PTPRD: variants seen among roughly 807,000 people sequenced by gnomAD.
The protein encoded by PTPRD is receptor-type tyrosine-protein phosphatase delta.
Under a neutral mutation model 214.5 loss-of-function variants are expected in PTPRD, and 34 were observed. That is an observed-to-expected ratio of 0.16 (90% CI 0.12 to 0.21). The LOEUF (loss-of-function observed/expected upper bound fraction) is 0.21. Among genes scored for constraint, PTPRD ranks in the 10% least tolerant of loss-of-function variants. The pLI is 1.00. For synonymous variants in PTPRD, 1,128 were observed against 845.7 expected, an observed-to-expected ratio of 1.33 and a Z score of -5.79; for missense variants, 2,545 against 2,398.7, an observed-to-expected ratio of 1.06 and a Z score of -1.27.
intron 9 of PTPRD, among the ~76,000 whole-genome samples, chr9:9,192,823 TAA>T (rs996413658): frequency 4.6e-5 from 7 of 152,042 alleles, no homozygotes. Context: ...CAACTGTTAA[TAA>T]ATATCAGAGA....
intron 8 of PTPRD, among the ~76,000 whole-genome samples, chr9:9,509,850 T>A (rs76977714): frequency 0.012 from 1,871 of 151,778 alleles, 38 homozygotes; most frequent in African/African-American, 0.043. Flanking sequence ...ACAATTACTT[T>A]CCAGATCATT....
chr9:9,537,849 A>G (rs1003209631), intron 8 of PTPRD, among the ~76,000 whole-genome samples: 3 of 151,970 alleles, frequency 2.0e-5, no homozygotes, highest in Non-Finnish European at 2.9e-5. Flanking sequence ...TCTCAGGGCC[A>G]AATTCATTTA....
chr9:9,364,140 G>C (rs945116285), intron 9 of PTPRD, among the ~76,000 whole-genome samples: 1 of 151,350 alleles, frequency 6.6e-6, no homozygotes, highest in Non-Finnish European at 1.5e-5. Context: ...CATGAAATTA[G>C]CTTTGGGAAT....
Position 8,622,274 on chromosome 9 carries a change from T to C in PTPRD, c.352+11043A>G, listed in dbSNP as rs550122377. On this transcript the variant is annotated intron_variant, in intron 14 of 45. Transcript: ENST00000381196. ...ATCCCAAATCTTCCTACAAATGAAA[T>C]ACAATTTTTCTCTCAGAACATTTTT... 1.4e-3 allele frequency among the ~76,000 whole-genome samples: 211 copies of C among 152,008 alleles called. 1 individual carries two copies. The highest frequency in any genetic ancestry group is 4.9e-3 in the African/African-American group (205 of 41,516).
At chr9:9,533,100 T>C (rs2075835646) in intron 8 of PTPRD, among the ~76,000 whole-genome samples, 1 of 152,144 alleles carries the variant, frequency 6.6e-6, no homozygotes. Context: ...GCATTTTGCA[T>C]ATAGATAGCA....
In PTPRD at chr9:10,210,789, A is replaced by G. The variant is rs1372462472; in HGVS notation, c.-545+130174T>C. On this transcript the variant is annotated intron_variant, in intron 3 of 45. Transcript: ENST00000381196. ...ATAATGTTTATATATATAAAATCAA[A>G]AAACTTCATATATATATATATATAT... 4.1e-5 allele frequency among the ~76,000 whole-genome samples: 5 copies of G among 122,962 alleles called. No homozygotes were observed. The East Asian group carries it at 9.8e-4, about 24-fold the overall frequency. The allele number at this position is 122,962 out of a possible 152,430, so 80.7% of individuals were successfully genotyped here. A position where few individuals can be genotyped will look rare whatever the true frequency, so the allele number is the denominator to read the frequency against.
At chr9:9,860,321 A>T (rs2062450550) in intron 5 of PTPRD, among the ~76,000 whole-genome samples, 1 of 152,224 alleles carries the variant, frequency 6.6e-6, no homozygotes, top group South Asian at 2.1e-4. Flanking sequence ...TGAAAACTTA[A>T]CTAAAGGACA....
At chr9:10,339,108 G>C (rs566928072) in intron 3 of PTPRD, among the ~76,000 whole-genome samples, 59 of 151,806 alleles carry the variant, frequency 3.9e-4, no homozygotes, top group Middle Eastern at 6.8e-3. Context: ...ATACATGTAA[G>C]TCCTGGAAGA....
rs376862956 is a variant in PTPRD at position 8,407,620 on chromosome 9, G to A, written c.4087-2960C>T. Among the ~76,000 whole-genome samples, 6 of 152,282 alleles carry A rather than the reference G, an allele frequency of 3.9e-5. No homozygotes were observed. The East Asian group carries it at 1.2e-3, about 29-fold the overall frequency. ...TATCCTTTATTTCACCAATCCAAAT[G>A]ATATTTCTTCCCAACTTATCAGCCT... On this transcript the variant is annotated intron_variant, in intron 35 of 45. Coordinates refer to ENST00000381196, the MANE Select transcript of PTPRD (RefSeq NM_002839.4).
At chr9:8,809,861 G>A (rs1434649149) in intron 11 of PTPRD, among the ~76,000 whole-genome samples, 3 of 152,140 alleles carry the variant, frequency 2.0e-5, no homozygotes, top group Non-Finnish European at 4.4e-5. Context: ...TTCTTCACCA[G>A]GAATATCAAG....
intron 5 of PTPRD, among the ~76,000 whole-genome samples, chr9:9,768,966 A>T (rs1224444470): frequency 6.6e-6 from 1 of 152,134 alleles, no homozygotes; most frequent in Non-Finnish European, 1.5e-5. Flanking sequence ...ACTTGTTCTG[A>T]TTTTTCTGAT....
At chr9:10,259,107 C>T (rs916664062) in intron 3 of PTPRD, among the ~76,000 whole-genome samples, 3 of 152,108 alleles carry the variant, frequency 2.0e-5, no homozygotes, top group African/African-American at 7.2e-5. Flanking sequence ...ACTGCAAGCT[C>T]CACCTCCCGG....
intron 14 of PTPRD, among the ~76,000 whole-genome samples, chr9:8,629,480 A>C (rs1003067551): frequency 6.6e-6 from 1 of 151,858 alleles, no homozygotes; most frequent in Non-Finnish European, 1.5e-5. Flanking sequence ...AATTCCATTT[A>C]GATGACAATC....
chr9:9,881,203 T>A (rs926903495), intron 5 of PTPRD, among the ~76,000 whole-genome samples: 3 of 152,164 alleles, frequency 2.0e-5, no homozygotes, highest in Admixed American at 6.6e-5. Flanking sequence ...CTGCAGAATT[T>A]GGACATTCAA....
At chr9:9,293,645 T>C (rs900066496) in intron 9 of PTPRD, among the ~76,000 whole-genome samples, 2 of 151,558 alleles carry the variant, frequency 1.3e-5, no homozygotes, top group Non-Finnish European at 3.0e-5. Context: ...AATACCCCCT[T>C]ATCCTTCTTC....
chr9:9,781,773 C>G (rs2098844725), intron 5 of PTPRD, among the ~76,000 whole-genome samples: 1 of 151,084 alleles, frequency 6.6e-6, no homozygotes, highest in Non-Finnish European at 1.5e-5. Context: ...TATCTTTTGA[C>G]TAACATTTTT....
chr9:8,952,650 C>T (rs1392116099), intron 11 of PTPRD, among the ~76,000 whole-genome samples: 1 of 151,492 alleles, frequency 6.6e-6, no homozygotes, highest in African/African-American at 2.4e-5. Context: ...TTGTAGGTAA[C>T]CAATCAAGCA....
At chr9:8,436,321 G>A (rs2095346457) in intron 35 of PTPRD, among the ~76,000 whole-genome samples, 1 of 144,334 alleles carries the variant, frequency 6.9e-6, no homozygotes. Context: ...TACAATTATT[G>A]CCAATTAAAA....
chr9:9,579,706 G>C (rs1296742072), intron 7 of PTPRD, among the ~76,000 whole-genome samples: 2 of 152,104 alleles, frequency 1.3e-5, no homozygotes, highest in African/African-American at 2.4e-5. Context: ...TAGAGATACA[G>C]ATTGTTTGTG....
Sources: allele counts gnomAD v4.1 joint callset (sites outside exome capture counted in the v4.1 genomes callset), GRCh38; gene constraint gnomAD v4.1.1; transcripts MANE v1.5; gene names NCBI Gene and HGNC (gene_info 2026-07-23, HGNC 2026-07-21).